VWC2L: variants seen among roughly 807,000 people sequenced by gnomAD.
VWC2L encodes the protein von Willebrand factor C domain-containing protein 2-like.
In VWC2L, 10 loss-of-function variants were observed where a neutral mutation model predicts 21.6. That is an observed-to-expected ratio of 0.46 (90% CI 0.29 to 0.78). VWC2L has a LOEUF of 0.78. VWC2L is among the 30% of genes least tolerant of loss of function. The pLI is 0.10. For synonymous variants in VWC2L, 96 were observed against 94.3 expected, an observed-to-expected ratio of 1.02 and a Z score of -0.10; for missense variants, 209 against 277.1, an observed-to-expected ratio of 0.75 and a Z score of 1.74.
chr2:214,421,908 T>C (rs1438603489), intron 2 of VWC2L, among the ~76,000 whole-genome samples: 2 of 123,760 alleles, frequency 1.6e-5, no homozygotes, highest in South Asian at 2.6e-4. Context: ...TTTTTTTTTT[T>C]TGAGACGGAG....
At chr2:214,453,725 CTTTTT>C (rs33937313) in intron 3 of VWC2L, among the ~76,000 whole-genome samples, 25 of 142,504 alleles carry the variant, frequency 1.8e-4, no homozygotes, top group Non-Finnish European at 3.6e-4. Flanking sequence ...AATTTTTTTT[CTTTTT>C]TTTTTTTTGA....
At chr2:214,541,923 T>TTC (rs1553600960) in intron 3 of VWC2L, among the ~76,000 whole-genome samples, 1,734 of 151,574 alleles carry the variant, frequency 0.011, 29 homozygotes, top group African/African-American at 0.036. Context: ...TTTTTTTTTT[T>TTC]CCCAGAGGTA....
intron 3 of VWC2L, among the ~76,000 whole-genome samples, chr2:214,511,919 T>TAC (rs67983945): frequency 0.12 from 17,510 of 145,018 alleles, 1,162 homozygotes; most frequent in African/African-American, 0.16. Flanking sequence ...TATATACATA[T>TAC]ACACACACAC....
At position 214,519,719 on chromosome 2, in the gene VWC2L, T is replaced by C. The variant is rs146560389; in HGVS notation, c.521-55953T>C. The stretch of plus-strand genomic sequence containing the variant: ...CATATTGTTTCTTTCCACTGGTCTA[T>C]GGTGATGGTCCCATTTTCTCCCCAT... On this transcript the variant is annotated intron_variant, in intron 3 of 3. Coordinates refer to ENST00000312504, the MANE Select transcript of VWC2L (RefSeq NM_001080500.4). Among the ~76,000 whole-genome samples the C allele has an allele frequency of 1.0e-3, 154 of 152,302 alleles. No individual in the cohort carries two copies. In the East Asian group the frequency reaches 0.026, roughly 26 times the overall value.
At chr2:214,443,191 C>T (rs1702786664) in intron 3 of VWC2L, among the ~76,000 whole-genome samples, 1 of 151,944 alleles carries the variant, frequency 6.6e-6, no homozygotes. Context: ...CCAGCCTGGC[C>T]AGCATGGTGA....
intron 3 of VWC2L, among the ~76,000 whole-genome samples, chr2:214,512,410 G>A (rs1357496731): frequency 6.6e-6 from 1 of 152,096 alleles, no homozygotes; most frequent in Non-Finnish European, 1.5e-5. Context: ...TTGGAGGGTG[G>A]GGAGTGGGAG....
chr2:214,498,688 A>G (rs991767025), intron 3 of VWC2L, among the ~76,000 whole-genome samples: 3 of 39,496 alleles, frequency 7.6e-5, no homozygotes, highest in Non-Finnish European at 2.5e-4. Flanking sequence ...ATGGGTGTAT[A>G]TATTATACAT....
At chr2:214,572,081 C>G (rs1398326796) in intron 3 of VWC2L, among the ~76,000 whole-genome samples, 1 of 152,156 alleles carries the variant, frequency 6.6e-6, no homozygotes, top group Non-Finnish European at 1.5e-5. Context: ...CACAACCAGC[C>G]TACCTCCTAT....
intron 3 of VWC2L, among the ~76,000 whole-genome samples, chr2:214,551,998 G>A (rs1219234701): frequency 1.3e-5 from 2 of 152,286 alleles, no homozygotes; most frequent in East Asian, 3.9e-4. Flanking sequence ...TCTTTGTATT[G>A]CAAAAGAATT....
At chr2:214,442,971 G>C (rs968362545) in intron 3 of VWC2L, among the ~76,000 whole-genome samples, 1 of 152,034 alleles carries the variant, frequency 6.6e-6, no homozygotes, top group East Asian at 1.9e-4. Flanking sequence ...AATCAATTAC[G>C]TGAATATTTC....
At chr2:214,512,967 TTTCTAG>T (rs1420640158) in intron 3 of VWC2L, among the ~76,000 whole-genome samples, 1 of 152,136 alleles carries the variant, frequency 6.6e-6, no homozygotes, top group Non-Finnish European at 1.5e-5. Context: ...CTCTGGTGAT[TTTCTAG>T]GTTGAATGTT....
rs748117648 is a variant in VWC2L at position 214,441,916 on chromosome 2, CT to C, written c.520+5171del. Among the ~76,000 whole-genome samples, 652 of 140,320 alleles carry C rather than the reference CT, an allele frequency of 4.6e-3. 1 individual carries two copies. Among genetic ancestry groups the C allele is most frequent in the African/African-American group, 0.012 (453 of 38,600 alleles). 92.1% of individuals were successfully genotyped at this position (140,320 alleles called of 152,430 possible). A position where few individuals can be genotyped will look rare whatever the true frequency, so the allele number is the denominator to read the frequency against. Reference sequence around the variant, plus strand: ...AAGATTTTTATTTTAAATAAGATACCTTTTTTTTTTTTTGAGATGAAGTCTA... The same window carrying C: ...AAGATTTTTATTTTAAATAAGATACCTTTTTTTTTTTTGAGATGAAGTCTA... On this transcript the variant is annotated intron_variant, in intron 3 of 3. Transcript: ENST00000312504.
intron 3 of VWC2L, 72 bp from the exon 4 acceptor site, chr2:214,575,600 T>C (rs773864419): frequency 1.3e-4 from 203 of 1,554,520 alleles, no homozygotes; most frequent in Non-Finnish European, 1.7e-4. Flanking sequence ...CTTTGGGGCT[T>C]GGGTTTGGAT....
chr2:214,537,523 TGA>T (rs1689554551), intron 3 of VWC2L, among the ~76,000 whole-genome samples: 1 of 151,452 alleles, frequency 6.6e-6, no homozygotes, highest in Non-Finnish European at 1.5e-5. Flanking sequence ...AGGCTGGGGA[TGA>T]GAGAGAGTGG....
At chr2:214,559,340 G>T (rs1209504613) in intron 3 of VWC2L, among the ~76,000 whole-genome samples, 1 of 152,048 alleles carries the variant, frequency 6.6e-6, no homozygotes, top group Non-Finnish European at 1.5e-5. Context: ...TTTAAAAACA[G>T]TAAGAACATG....
At chr2:214,458,967 T>A (rs1703094842) in intron 3 of VWC2L, among the ~76,000 whole-genome samples, 1 of 152,180 alleles carries the variant, frequency 6.6e-6, no homozygotes, top group Non-Finnish European at 1.5e-5. Context: ...ATCCAATGTG[T>A]CCTTGTTGAT....
At position 214,561,809 on chromosome 2, in the gene VWC2L, T is replaced by TATAC. The variant is rs1489588765; in HGVS notation, c.521-13862_521-13861insTACA. ...TTATATATATATATATATATATATA[T>TATAC]ACACACACATATATAATTTTATATA... On this transcript the variant is annotated intron_variant, in intron 3 of 3. Transcript: ENST00000312504. Among the ~76,000 whole-genome samples the TATAC allele has an allele frequency of 6.4e-3, 815 of 127,176 alleles. 26 individuals carry two copies. The highest frequency in any genetic ancestry group is 0.01 in the Non-Finnish European group (634 of 62,658). 83.4% of individuals were successfully genotyped at this position (127,176 alleles called of 152,430 possible).
chr2:214,450,580 G>C (rs1444096536), intron 3 of VWC2L, among the ~76,000 whole-genome samples: 1 of 152,088 alleles, frequency 6.6e-6, no homozygotes, highest in Non-Finnish European at 1.5e-5. Context: ...GTATAACTAG[G>C]TCATAAAATA....
chr2:214,496,241 A>AACTTATTTTGGGACATAT (rs1243230279), intron 3 of VWC2L, among the ~76,000 whole-genome samples: 1 of 151,570 alleles, frequency 6.6e-6, no homozygotes, highest in Admixed American at 6.6e-5. Flanking sequence ...AAGGTATTAC[A>AACTTATTTTGGGACATAT]ATCTTATGGG....
Sources: gnomAD v4.1 joint callset for allele counts (sites outside exome capture counted in the v4.1 genomes callset) on GRCh38, gnomAD v4.1.1 for gene constraint, MANE v1.5 for transcripts, NCBI Gene and HGNC (gene_info 2026-07-23, HGNC 2026-07-21) for gene names.